SNRNP40: variants seen among roughly 807,000 people sequenced by gnomAD.
The protein encoded by SNRNP40 is U5 small nuclear ribonucleoprotein 40 kDa protein.
In SNRNP40, 21 loss-of-function variants were observed where a neutral mutation model predicts 45.8. That is an observed-to-expected ratio of 0.46 (90% confidence interval 0.32 to 0.66). SNRNP40 has a LOEUF of 0.66. SNRNP40 is among the 30% of genes least tolerant of loss of function. SNRNP40 has a pLI of 0.03. For missense variants in SNRNP40, 344 were observed against 439.1 expected (o/e 0.78, Z 1.94); for synonymous variants, 142 against 163.8 (o/e 0.87, Z 1.01).
In SNRNP40 at chr1:31,289,392, T is replaced by A; in HGVS notation, c.393A>T (p.Lys131Asn). The A allele has an allele frequency of 6.2e-7, 1 of 1,614,076 alleles. No individual in the cohort carries two copies. Among genetic ancestry groups the A allele is most frequent in the South Asian group, 1.1e-5 (1 of 91,074 alleles). ...TTTCACTATCCCACACAGCCACGGT[T>A]TTATCTGTGGATGCTGAGAAAAGCA... is the stretch of plus-strand genomic sequence containing the variant. The part of the protein sequence containing the change: ...GSMLFSASTD[K>N]TVAVWDSETG... The change falls in exon 4 of 10, where the codon AAA (lysine) becomes AAT (asparagine). Residue 131 changes from lysine to asparagine, a missense_variant. By Grantham distance (94) the Lys-to-Asn change is moderately conservative. This residue lies in a region of SNRNP40 where 254 missense variants were observed against 380.2 expected (regional missense o/e 0.67). Transcript: ENST00000263694.
chr1:31,278,229 C>T (rs1645989875), intron 5 of SNRNP40, among the ~76,000 whole-genome samples: 1 of 152,090 alleles, frequency 6.6e-6, no homozygotes, highest in East Asian at 1.9e-4. Flanking sequence ...CTGTATAGCA[C>T]TATTGTCTTT....
chr1:31,260,935 T>TAA, intron 9 of SNRNP40: 1 of 980,386 alleles, frequency 1.0e-6, no homozygotes, highest in Non-Finnish European at 1.3e-6. Flanking sequence ...GAAGTAAATT[T>TAA]AAAAAAAAAT....
At position 31,296,616 on chromosome 1, in the gene SNRNP40, G is replaced by C; in HGVS notation, c.136C>G (p.Gln46Glu). 6.2e-7 allele frequency: 1 copy of C among 1,609,930 alleles called. No individual in the cohort carries two copies. The highest frequency in any genetic ancestry group is 8.5e-7 in the Non-Finnish European group (1 of 1,178,274). Reference sequence around the variant, plus strand: ...CCGCCTGCTTCTTCACTTACCGCTTGCAGCAAGGCTCCCGGCGTCGCCTGC... The same window carrying C: ...CCGCCTGCTTCTTCACTTACCGCTTCCAGCAAGGCTCCCGGCGTCGCCTGC... ...QQQATPGALL[Q>E]AGPPRCSSLQ... Residue 46 changes from glutamine (Q) to glutamate (E), a missense_variant, in exon 1 of 10, where the codon CAA becomes GAA. Around this residue, in one of 2 missense-constraint regions of SNRNP40, gnomAD observed 90 missense variants for 58.9 expected, o/e 1.53. Transcript: ENST00000263694.
At chr1:31,276,097 T>C (rs1645972770) in intron 5 of SNRNP40, among the ~76,000 whole-genome samples, 1 of 152,188 alleles carries the variant, frequency 6.6e-6, no homozygotes, top group Non-Finnish European at 1.5e-5. Flanking sequence ...AGCTGACATA[T>C]ATTGAACACA....
At position 31,296,722 on chromosome 1, in the gene SNRNP40, T is replaced by C. The variant is rs999744186; in HGVS notation, c.30A>G (p.Pro10=). The C allele has an allele frequency of 9.3e-6, 15 of 1,612,940 alleles. No individual in the cohort carries two copies. The African/African-American group carries it at 1.1e-4, about 11-fold the overall frequency. Reference sequence around the variant, plus strand: ...GCTTGACTGGAACCAGCGGCAACTCTGGGCCCTTACGCTTCTGCTGTTCTA... The same window carrying C: ...GCTTGACTGGAACCAGCGGCAACTCCGGGCCCTTACGCTTCTGCTGTTCTA... MIEQQKRKG[P]ELPLVPVKRQ... The change falls in exon 1 of 10, where the codon CCA becomes CCG. Residue 10 remains proline, a synonymous_variant. Coordinates refer to ENST00000263694, the MANE Select transcript of SNRNP40 (RefSeq NM_004814.3).
chr1:31,288,610 G>A (rs1220784816), intron 4 of SNRNP40, among the ~76,000 whole-genome samples: 1 of 151,474 alleles, frequency 6.6e-6, no homozygotes, highest in African/African-American at 2.4e-5. Flanking sequence ...CCCATCTTGT[G>A]CCATACTAAA....
intron 3 of SNRNP40, 106 bp downstream of exon 3, chr1:31,291,807 A>C (rs1646109689): frequency 1.3e-6 from 1 of 767,316 alleles, no homozygotes; most frequent in Non-Finnish European, 2.3e-6. Context: ...GTAGCTACCC[A>C]AAATTAGTAG....
intron 1 of SNRNP40, among the ~76,000 whole-genome samples, chr1:31,295,428 T>A (rs1201811746): frequency 6.6e-6 from 1 of 151,896 alleles, no homozygotes; most frequent in Non-Finnish European, 1.5e-5. Flanking sequence ...GTCAGGAAAA[T>A]CCTCACTGAA....
chr1:31,271,645 T>C, intron 5 of SNRNP40, 146 bp from the exon 6 acceptor site: 2 of 755,558 alleles, frequency 2.6e-6, no homozygotes, highest in Non-Finnish European at 3.9e-6. Flanking sequence ...AAAAACACCT[T>C]TTTTTAATTT....
intron 5 of SNRNP40, among the ~76,000 whole-genome samples, chr1:31,279,816 G>A (rs906194898): frequency 6.6e-6 from 1 of 150,884 alleles, no homozygotes; most frequent in Non-Finnish European, 1.5e-5. Flanking sequence ...ACATTTAAAG[G>A]ACTACCTTTA....
chr1:31,290,404 G>T (rs527308919), intron 3 of SNRNP40, among the ~76,000 whole-genome samples: 120 of 152,064 alleles, frequency 7.9e-4, no homozygotes, highest in Non-Finnish European at 1.6e-3. Context: ...GATTTTAGAG[G>T]TCAGAAATGT....
intron 1 of SNRNP40, 59 bp from the exon 2 acceptor site, chr1:31,293,407 T>C: frequency 6.6e-7 from 1 of 1,516,520 alleles, no homozygotes; most frequent in Non-Finnish European, 8.8e-7. Context: ...GCTACAAAAT[T>C]AGGGGGTGGG....
At chr1:31,260,397 C>T (rs1283047696) in intron 9 of SNRNP40, among the ~76,000 whole-genome samples, 1 of 152,010 alleles carries the variant, frequency 6.6e-6, no homozygotes, top group Non-Finnish European at 1.5e-5. Flanking sequence ...CTTTCCCAGT[C>T]ATTCTAGAAG....
At chr1:31,270,393 A>C (rs1645929214) in intron 6 of SNRNP40, among the ~76,000 whole-genome samples, 1 of 152,050 alleles carries the variant, frequency 6.6e-6, no homozygotes. Flanking sequence ...GGAGTTTGAG[A>C]CCAGCCTGGG....
Position 31,289,461 on chromosome 1 carries a change from T to TA in SNRNP40, c.366-43dup. On this transcript the variant is annotated intron_variant, in intron 3 of 9. Coordinates refer to ENST00000263694, the MANE Select transcript of SNRNP40 (RefSeq NM_004814.3). ...AGAATAAAAAAGAAATAAGTGAAGATAAACAGTAACAATCTATCTTTCCTA... is the reference window on the plus strand; with the variant it reads ...AGAATAAAAAAGAAATAAGTGAAGATAAAACAGTAACAATCTATCTTTCCTA... 3 of 1,558,212 alleles carry TA rather than the reference T, an allele frequency of 1.9e-6. No homozygotes were observed. In the South Asian group the frequency reaches 3.4e-5, roughly 17 times the overall value.
intron 4 of SNRNP40, among the ~76,000 whole-genome samples, chr1:31,283,163 C>G (rs775960728): frequency 2.0e-4 from 31 of 152,160 alleles, no homozygotes; most frequent in Non-Finnish European, 3.5e-4. Context: ...AGACAATCTG[C>G]AAAGACTGGG....
At chr1:31,263,033 T>C (rs4949371) in intron 8 of SNRNP40, among the ~76,000 whole-genome samples, 29,785 of 149,514 alleles carry the variant, frequency 0.2, 3,136 homozygotes, top group South Asian at 0.28. Flanking sequence ...TTTTTCATGC[T>C]GTATAATAAA....
At chr1:31,271,329 T>C (rs1249883959) in intron 6 of SNRNP40, 50 bp downstream of exon 6, 2 of 1,578,910 alleles carry the variant, frequency 1.3e-6, no homozygotes, top group South Asian at 1.1e-5. Context: ...CTGTGAGCAA[T>C]CTTTGACTTT....
At chr1:31,267,213 G>C (rs868510251) in intron 8 of SNRNP40, among the ~76,000 whole-genome samples, 24 of 152,154 alleles carry the variant, frequency 1.6e-4, no homozygotes, top group South Asian at 6.2e-4. Flanking sequence ...GTGATGGTGG[G>C]GGAGGTGGGT....
Sources: gnomAD v4.1 joint callset for allele counts (sites outside exome capture counted in the v4.1 genomes callset) on GRCh38, gnomAD v4.1.1 for gene constraint, gnomAD v4.1.1 regional missense constraint, MANE v1.5 for transcripts, NCBI Gene and HGNC (gene_info 2026-07-23, HGNC 2026-07-21) for gene names.